The following CPEB2 variants were observed in gnomAD, a reference collection of about 807,000 sequenced individuals.
CPEB2 encodes the protein cytoplasmic polyadenylation element-binding protein 2.
Under a neutral mutation model 93.6 loss-of-function variants are expected in CPEB2, and 56 were observed. That is an observed-to-expected ratio of 0.60 (90% CI 0.48 to 0.75). CPEB2 has a LOEUF of 0.75. Among genes scored for constraint, CPEB2 ranks in the 30% least tolerant of loss-of-function variants. The pLI is 0.00. For missense variants in CPEB2, 1,579 were observed against 1,395.1 expected (o/e 1.13, Z -2.10); for synonymous variants, 764 against 586.3 (o/e 1.30, Z -4.38).
At chr4:15,025,675 A>C (rs759192259) in intron 4 of CPEB2, among the ~76,000 whole-genome samples, 2 of 151,914 alleles carry the variant, frequency 1.3e-5, no homozygotes, top group African/African-American at 2.4e-5. Flanking sequence ...ACTAACAAGC[A>C]ATCTTAAACC....
At chr4:15,011,969 T>TC (rs1553851744) in intron 3 of CPEB2, among the ~76,000 whole-genome samples, 1 of 151,652 alleles carries the variant, frequency 6.6e-6, no homozygotes, top group African/African-American at 2.4e-5. Context: ...TAATCTTTAA[T>TC]AGGCTGTTAT....
At chr4:15,057,447 G>C (rs191471431) in intron 8 of CPEB2, among the ~76,000 whole-genome samples, 142 of 152,218 alleles carry the variant, frequency 9.3e-4, no homozygotes, top group African/African-American at 3.3e-3. Flanking sequence ...TTATACGATG[G>C]AACAGACATA....
chr4:15,060,559 A>C (rs184546477), intron 10 of CPEB2, among the ~76,000 whole-genome samples: 1 of 152,244 alleles, frequency 6.6e-6, no homozygotes, highest in Admixed American at 6.5e-5. Context: ...TTCAGTCATA[A>C]GCCACTGGGT....
Position 15,066,704 on chromosome 4 carries a change from A to G in CPEB2, c.*324A>G, listed in dbSNP as rs569469610. 2.2e-5 allele frequency: 6 copies of G among 270,132 alleles called. No homozygotes were observed. In the South Asian group the frequency reaches 3.0e-4, roughly 14 times the overall value. The allele number at this position is 270,132 out of a possible 1,614,324, so 16.7% of individuals were successfully genotyped here. On this transcript the variant is annotated 3_prime_UTR_variant, in exon 12 of 12. Coordinates refer to ENST00000538197, the MANE Select transcript of CPEB2 (RefSeq NM_001177382.2). ...TAGGGGCAACACAGTCTGCTGCTAT[A>G]TAGTGGGGGAAGCGTGCACTTATTT...
At chr4:15,014,414 T>A (rs1723855774) in intron 3 of CPEB2, among the ~76,000 whole-genome samples, 1 of 152,060 alleles carries the variant, frequency 6.6e-6, no homozygotes, top group Non-Finnish European at 1.5e-5. Flanking sequence ...ATATGAACAT[T>A]AACTTTTATC....
At chr4:15,010,028 G>C (rs560929122) in intron 3 of CPEB2, among the ~76,000 whole-genome samples, 1 of 152,154 alleles carries the variant, frequency 6.6e-6, no homozygotes. Context: ...TGAGATATTG[G>C]CATTCCCTTT....
chr4:15,011,621 A>G (rs945286938), intron 3 of CPEB2, among the ~76,000 whole-genome samples: 2 of 152,056 alleles, frequency 1.3e-5, no homozygotes, highest in South Asian at 2.1e-4. Flanking sequence ...ACATAACAAG[A>G]CACCACCCCC....
intron 1 of CPEB2, among the ~76,000 whole-genome samples, chr4:15,005,654 A>G (rs533832530): frequency 6.6e-6 from 1 of 152,326 alleles, no homozygotes; most frequent in Admixed American, 6.5e-5. Context: ...AAAGTTTTCA[A>G]GGATTAGTCT....
intron 10 of CPEB2, 65 bp from the exon 11 acceptor site, chr4:15,062,014 G>GTACT: frequency 7.2e-7 from 1 of 1,393,690 alleles, no homozygotes; most frequent in South Asian, 1.5e-5. Context: ...TTTACAAAAA[G>GTACT]TACTTAAAAA....
rs137999716 is a variant in CPEB2 at position 15,069,629 on chromosome 4, ATTC to A, written c.*3252_*3254del. The A allele has an allele frequency of 0.066, 10,016 of 152,012 alleles. 470 individuals carry two copies. The highest frequency in any genetic ancestry group is 0.089 in the Non-Finnish European group (6,025 of 67,752). The allele number at this position is 152,012 out of a possible 1,614,324, so 9.4% of individuals were successfully genotyped here. A position where few individuals can be genotyped will look rare whatever the true frequency, so the allele number is the denominator to read the frequency against. On this transcript the variant is annotated 3_prime_UTR_variant, in exon 12 of 12. Transcript: ENST00000538197. ...TAAAATACTTGGAATAATTTTTCAT[ATTC>A]TTGTCATTAATATTATTTTGTATTT...
chr4:15,012,598 G>C (rs915975773), intron 3 of CPEB2, among the ~76,000 whole-genome samples: 3 of 152,150 alleles, frequency 2.0e-5, no homozygotes, highest in Non-Finnish European at 4.4e-5. Flanking sequence ...ATGCAGTAGA[G>C]TAGCACGTCA....
At chr4:15,046,268 C>T (rs906280208) in intron 6 of CPEB2, among the ~76,000 whole-genome samples, 4 of 152,074 alleles carry the variant, frequency 2.6e-5, no homozygotes, top group African/African-American at 9.7e-5. Context: ...GCTGCCCAGG[C>T]AGGCTGGAGT....
intron 6 of CPEB2, among the ~76,000 whole-genome samples, chr4:15,047,178 T>C (rs1236063383): frequency 6.6e-6 from 1 of 152,206 alleles, no homozygotes; most frequent in African/African-American, 2.4e-5. Context: ...AGCTAACTAG[T>C]GAGTCTTGAA....
intron 2 of CPEB2, among the ~76,000 whole-genome samples, chr4:15,007,838 A>G (rs1723026865): frequency 1.3e-5 from 2 of 152,246 alleles, no homozygotes; most frequent in South Asian, 4.1e-4. Context: ...TATTAAATAC[A>G]TACTGAAGCT....
chr4:15,011,948 A>G (rs374194113), intron 3 of CPEB2, among the ~76,000 whole-genome samples: 15 of 112,578 alleles, frequency 1.3e-4, no homozygotes, highest in African/African-American at 5.5e-4. Flanking sequence ...TTAATTGAAG[A>G]TACTTTCCAT....
In CPEB2 at chr4:15,002,970, G is replaced by C; in HGVS notation, c.297G>C (p.Leu99=). 6.6e-7 allele frequency: 1 copy of C among 1,510,204 alleles called. No homozygotes were observed. Among genetic ancestry groups the C allele is most frequent in the Admixed American group, 2.4e-5 (1 of 42,374 alleles). 93.6% of individuals were successfully genotyped at this position (1,510,204 alleles called of 1,614,324 possible). A position where few individuals can be genotyped will look rare whatever the true frequency, so the allele number is the denominator to read the frequency against. ...AGACCATGCAGGATGAGCTGCTTCTGGGGCTGACACAGCAGCCGGCGCGGC... is the reference window on the plus strand; with the variant it reads ...AGACCATGCAGGATGAGCTGCTTCTCGGGCTGACACAGCAGCCGGCGCGGC... ...HQQTMQDELL[L]GLTQQPARPL... The change falls in exon 1 of 12, where the codon CTG becomes CTC. Residue 99 remains leucine (L), a synonymous_variant. Coordinates refer to ENST00000538197, the MANE Select transcript of CPEB2 (RefSeq NM_001177382.2).
chr4:15,060,750 G>C (rs576014869), intron 10 of CPEB2, among the ~76,000 whole-genome samples: 2 of 152,170 alleles, frequency 1.3e-5, no homozygotes, highest in South Asian at 2.1e-4. Flanking sequence ...GTGGTATCTG[G>C]TGTATTTTTT....
Position 15,068,043 on chromosome 4 carries a change from T to TAAGA in CPEB2, c.*1664_*1667dup, listed in dbSNP as rs939672166. On this transcript the variant is annotated 3_prime_UTR_variant, in exon 12 of 12. Transcript: ENST00000538197. ...TGCAACTAGCCCCTATATTTTAATG[T>TAAGA]AAGAGTTACTCTGCAATCTAAGCAA... The TAAGA allele has an allele frequency of 2.0e-5, 3 of 152,364 alleles. No homozygotes were observed. The highest frequency in any genetic ancestry group is 7.2e-5 in the African/African-American group (3 of 41,424). The allele number at this position is 152,364 out of a possible 1,614,324, so 9.4% of individuals were successfully genotyped here. A position where few individuals can be genotyped will look rare whatever the true frequency, so the allele number is the denominator to read the frequency against.
intron 1 of CPEB2, among the ~76,000 whole-genome samples, chr4:15,005,884 A>G (rs1722749561): frequency 6.6e-6 from 1 of 152,104 alleles, no homozygotes; most frequent in Admixed American, 6.5e-5. Flanking sequence ...CAGGATCTTC[A>G]TTTTGTTATC....
Sources: gnomAD v4.1 joint callset for allele counts (sites outside exome capture counted in the v4.1 genomes callset) on GRCh38, gnomAD v4.1.1 for gene constraint, MANE v1.5 for transcripts, NCBI Gene and HGNC (gene_info 2026-07-23, HGNC 2026-07-21) for gene names.